The following PRKAR1B variants were observed in gnomAD, a reference collection of about 807,000 sequenced individuals.
PRKAR1B encodes the protein protein kinase cAMP-dependent type I regulatory subunit beta.
In PRKAR1B, 22 loss-of-function variants were observed where a neutral mutation model predicts 46.5. The observed-to-expected ratio is 0.47, with a 90% confidence interval of 0.34 to 0.68. The LOEUF is 0.68. PRKAR1B is among the 30% of genes least tolerant of loss of function. PRKAR1B has a pLI of 0.01. For synonymous variants in PRKAR1B, 259 were observed against 217.7 expected, an observed-to-expected ratio of 1.19 and a Z score of -1.67; for missense variants, 445 against 535.6, an observed-to-expected ratio of 0.83 and a Z score of 1.67.
rs557353759 is a variant in PRKAR1B, at chr7:550,806, G to T, written c.974-204C>A. On this transcript the variant is annotated intron_variant, in intron 10 of 10. Coordinates refer to ENST00000537384, the MANE Select transcript of PRKAR1B (RefSeq NM_001164760.2). ...TATGCTAATGAATTGTTTATTATCT[G>T]AAATTCACGTTCAGCTAGCCATTGT... Among the ~76,000 whole-genome samples the T allele has an allele frequency of 2.6e-5, 4 of 152,354 alleles. No homozygotes were observed. The South Asian group carries it at 8.3e-4, about 32-fold the overall frequency.
At chr7:608,595 G>GGGGTC (rs1782252612) in intron 4 of PRKAR1B, 2 of 153,004 alleles carry the variant, frequency 1.3e-5, no homozygotes, top group Non-Finnish European at 1.5e-5. Context: ...AACTGCAGGA[G>GGGGTC]AGGTCAGTGT....
chr7:705,500 C>T (rs955804763), intron 2 of PRKAR1B, among the ~76,000 whole-genome samples: 2 of 152,006 alleles, frequency 1.3e-5, no homozygotes, highest in Non-Finnish European at 2.9e-5. Context: ...TATAAACATA[C>T]ACTTACCCTA....
In PRKAR1B at chr7:711,415, G is replaced by C. The variant is rs781504988; in HGVS notation, c.91C>G (p.Leu31Val). The change falls in exon 2 of 11, where the codon CTC becomes GTC. Residue 31 changes from leucine (L) to valine (V), a missense_variant. Physicochemically the swap from Leu to Val is conservative, Grantham distance 32 (BLOSUM62 1). Transcript: ENST00000537384. ...CAGAGGTGGACGATACAGTCTTTGA[G>C]GACCTGCTGGATCCCGTGCAGCTGC... The part of the protein sequence containing the change: ...YVQLHGIQQV[L>V]KDCIVHLCIS... 2 of 1,614,242 alleles carry C rather than the reference G, an allele frequency of 1.2e-6. No individual in the cohort carries two copies. Among genetic ancestry groups the C allele is most frequent in the Middle Eastern group, 1.6e-4 (1 of 6,062 alleles).
At chr7:647,867 A>T (rs889381503) in intron 4 of PRKAR1B, among the ~76,000 whole-genome samples, 17 of 151,570 alleles carry the variant, frequency 1.1e-4, no homozygotes, top group African/African-American at 3.9e-4. Context: ...AGCACCTAAA[A>T]TGCTTCATTA....
intron 6 of PRKAR1B, among the ~76,000 whole-genome samples, chr7:598,009 G>A (rs887327276): frequency 7.2e-5 from 11 of 152,212 alleles, no homozygotes; most frequent in Non-Finnish European, 1.5e-4. Context: ...GTCTCACCGT[G>A]TCTATCCACG....
upstream of PRKAR1B, chr7:727,346 C>T: frequency 8.5e-7 from 1 of 1,173,970 alleles, no homozygotes; most frequent in Non-Finnish European, 1.1e-6. Flanking sequence ...TCCCACACGC[C>T]ACCCCACACT....
At chr7:626,364 G>A (rs1783402865) in intron 4 of PRKAR1B, among the ~76,000 whole-genome samples, 1 of 152,066 alleles carries the variant, frequency 6.6e-6, no homozygotes, top group Non-Finnish European at 1.5e-5. Flanking sequence ...GCCTGGTGGT[G>A]CACACCTGTA....
chr7:578,948 C>A, intron 9 of PRKAR1B: 1 of 1,071,426 alleles, frequency 9.3e-7, no homozygotes, highest in Non-Finnish European at 1.2e-6. Context: ...TCCCACAGTG[C>A]TGGGATGACA....
chr7:642,782 C>A (rs916889238), intron 4 of PRKAR1B, among the ~76,000 whole-genome samples: 1 of 150,754 alleles, frequency 6.6e-6, no homozygotes, highest in Non-Finnish European at 1.5e-5. Flanking sequence ...TGCCGCAAGA[C>A]CCCAGTCAAC....
intron 2 of PRKAR1B, among the ~76,000 whole-genome samples, chr7:700,097 C>T (rs956868178): frequency 1.3e-5 from 2 of 152,188 alleles, no homozygotes; most frequent in Middle Eastern, 3.4e-3. Context: ...TGGGGGTCCC[C>T]GAATTCCATG....
intron 5 of PRKAR1B, 49 bp from the exon 6 acceptor site, chr7:606,288 C>T: frequency 6.3e-7 from 1 of 1,581,518 alleles, no homozygotes; most frequent in Non-Finnish European, 8.7e-7. Context: ...TCCAGACATA[C>T]AAGTTACAGT....
chr7:696,201 G>A (rs1242545656), intron 2 of PRKAR1B, among the ~76,000 whole-genome samples: 5 of 150,182 alleles, frequency 3.3e-5, no homozygotes, highest in East Asian at 2.0e-4. Context: ...AGTCTCAAGC[G>A]ATCCTCCTGT....
At chr7:641,718 G>A (rs550988482) in intron 4 of PRKAR1B, among the ~76,000 whole-genome samples, 1 of 152,120 alleles carries the variant, frequency 6.6e-6, no homozygotes, top group Non-Finnish European at 1.5e-5. Flanking sequence ...AAAGAAGCCA[G>A]ACACAAAAGA....
chr7:682,974 C>T (rs563988761), intron 2 of PRKAR1B, among the ~76,000 whole-genome samples: 1 of 152,292 alleles, frequency 6.6e-6, no homozygotes, highest in East Asian at 1.9e-4. Flanking sequence ...CCTGGCTTTC[C>T]TGCCGGTCCT....
At chr7:646,580 C>T (rs760548171) in intron 4 of PRKAR1B, among the ~76,000 whole-genome samples, 5 of 152,194 alleles carry the variant, frequency 3.3e-5, no homozygotes, top group African/African-American at 1.2e-4. Flanking sequence ...AATGGGGCTG[C>T]GTGCAGAATC....
chr7:699,057 G>T (rs1011492809), intron 2 of PRKAR1B, among the ~76,000 whole-genome samples: 1 of 152,176 alleles, frequency 6.6e-6, no homozygotes, highest in Admixed American at 6.5e-5. Context: ...AAGCAGAAGG[G>T]GGGGTTCCAC....
chr7:727,224 G>C lies in PRKAR1B; in HGVS notation c.-37C>G. On this transcript the variant is annotated 5_prime_UTR_variant, in exon 1 of 11. Coordinates refer to ENST00000537384, the MANE Select transcript of PRKAR1B (RefSeq NM_001164760.2). ...TCGCGCCCCACCTGGACGACGCTCT[G>C]CGCGCGCTGCGCTGCTCCCTGCTCG... The C allele has an allele frequency of 7.4e-7, 1 of 1,347,766 alleles. No individual in the cohort carries two copies. Among genetic ancestry groups the C allele is most frequent in the Non-Finnish European group, 9.5e-7 (1 of 1,049,688 alleles). The allele number at this position is 1,347,766 out of a possible 1,614,324, so 83.5% of individuals were successfully genotyped here.
At chr7:677,452 T>C (rs1228572390) in intron 3 of PRKAR1B, 132 bp from the exon 4 acceptor site, 1 of 756,448 alleles carries the variant, frequency 1.3e-6, no homozygotes, top group Non-Finnish European at 2.3e-6. Flanking sequence ...TGAAGTTTAA[T>C]GTGTATTTCA....
At chr7:566,568 A>G (rs1467966240) in intron 9 of PRKAR1B, among the ~76,000 whole-genome samples, 2 of 122,374 alleles carry the variant, frequency 1.6e-5, no homozygotes, top group Non-Finnish European at 3.6e-5. Context: ...TCACCTTCAC[A>G]TCACCATTAC....
Sources: allele counts gnomAD v4.1 joint callset (sites outside exome capture counted in the v4.1 genomes callset), GRCh38; gene constraint gnomAD v4.1.1; transcripts MANE v1.5; gene names NCBI Gene and HGNC (gene_info 2026-07-23, HGNC 2026-07-21).